The following TRAM2 variants were observed in gnomAD, a reference collection of about 807,000 sequenced individuals.
The protein encoded by TRAM2 is translocating chain-associated membrane protein 2.
Under a neutral mutation model 51.0 loss-of-function variants are expected in TRAM2, and 12 were observed. The observed-to-expected ratio is 0.24, with a 90% CI of 0.15 to 0.38. The LOEUF (loss-of-function observed/expected upper bound fraction) is 0.38. Ranked by LOEUF, TRAM2 falls within the 10% of genes least tolerant of loss-of-function variation. The probability of loss-of-function intolerance (pLI) is 1.00; values close to 1 mark genes in which losing one functional copy is unlikely to be tolerated. For missense variants in TRAM2, 361 were observed against 462.0 expected (o/e 0.78, Z 2.00); for synonymous variants, 175 against 179.4 (o/e 0.98, Z 0.20).
chr6:52,526,148 GACAGACACACACACACACACACAC>G (rs1373619215), intron 2 of TRAM2, among the ~76,000 whole-genome samples: 7,750 of 146,426 alleles, frequency 0.053, 262 homozygotes, highest in South Asian at 0.07. Context: ...AATACACACA[GACAGACACACACACACACACACAC>G]ACACACACAC....
In TRAM2 at chr6:52,557,204, A is replaced by T. The variant is rs1767426339; in HGVS notation, c.120+19592T>A. Among the ~76,000 whole-genome samples the T allele has an allele frequency of 1.3e-5, 2 of 152,158 alleles. 1 individual carries two copies. The highest frequency in any genetic ancestry group is 2.9e-5 in the Non-Finnish European group (2 of 67,976). ...CAAAACTCTGTCTCAAAAAAAAAAG[A>T]TATGTCTGGTGAGGAACGGATGCAC... On this transcript the variant is annotated intron_variant, in intron 1 of 10. Transcript: ENST00000182527.
At chr6:52,504,052 C>A (rs1766293211) in intron 10 of TRAM2, among the ~76,000 whole-genome samples, 1 of 152,152 alleles carries the variant, frequency 6.6e-6, no homozygotes, top group Non-Finnish European at 1.5e-5. Flanking sequence ...GGCCTGAGGA[C>A]CTGCTGAAGG....
intron 1 of TRAM2, among the ~76,000 whole-genome samples, chr6:52,576,470 C>CA (rs1437577120): frequency 6.6e-6 from 1 of 152,216 alleles, no homozygotes; most frequent in Non-Finnish European, 1.5e-5. Flanking sequence ...AAGGGAACCC[C>CA]ACGCGTCAAG....
intron 2 of TRAM2, chr6:52,524,507 C>CT (rs1005242997): frequency 6.6e-6 from 1 of 151,994 alleles, no homozygotes; most frequent in African/African-American, 2.4e-5. Flanking sequence ...CTCTCTCCCT[C>CT]TGTAGTCATG....
At chr6:52,550,618 C>T (rs1047865458) in intron 1 of TRAM2, among the ~76,000 whole-genome samples, 1 of 152,110 alleles carries the variant, frequency 6.6e-6, no homozygotes, top group Admixed American at 6.5e-5. Flanking sequence ...GTGGCAAGAT[C>T]TTAGTTCACT....
chr6:52,501,341 T>G lies in TRAM2; in HGVS notation c.*1856A>C, dbSNP rs775700260. 2 of 152,184 alleles carry G rather than the reference T, an allele frequency of 1.3e-5. No homozygotes were observed. The highest frequency in any genetic ancestry group is 2.9e-5 in the Non-Finnish European group (2 of 68,026). 9.4% of individuals were successfully genotyped at this position (152,184 alleles called of 1,614,324 possible). On this transcript the variant is annotated 3_prime_UTR_variant, in exon 11 of 11. Transcript: ENST00000182527. Reference sequence around the variant, plus strand: ...ACAAATCCCTCAGTTACTGGGAAGCTAAAATTTATCTATGATGTAAGTGAC... The same window carrying G: ...ACAAATCCCTCAGTTACTGGGAAGCGAAAATTTATCTATGATGTAAGTGAC...
rs983277256 is a variant in TRAM2, at chr6:52,508,193, CAATG to C, written c.555+37_555+40del. The stretch of plus-strand genomic sequence containing the variant: ...CTGGGAATAGCAGGAGGGGAGTGGT[CAATG>C]AATGGCCTCCAAGAAGGGAGAGAAG... On this transcript the variant is annotated intron_variant, in intron 6 of 10. Coordinates refer to ENST00000182527, the MANE Select transcript of TRAM2 (RefSeq NM_012288.4). The C allele has an allele frequency of 1.9e-6, 3 of 1,590,604 alleles. No individual in the cohort carries two copies. In the African/African-American group the frequency reaches 4.0e-5, roughly 21 times the overall value.
chr6:52,497,754 C>T lies in TRAM2; in HGVS notation c.*5443G>A, dbSNP rs1479780553. 1 of 152,496 alleles carries T rather than the reference C, an allele frequency of 6.6e-6. No homozygotes were observed. Among genetic ancestry groups the T allele is most frequent in the Non-Finnish European group, 1.5e-5 (1 of 68,018 alleles). 9.4% of individuals were successfully genotyped at this position (152,496 alleles called of 1,614,324 possible). On this transcript the variant is annotated 3_prime_UTR_variant, in exon 11 of 11. Coordinates refer to ENST00000182527, the MANE Select transcript of TRAM2 (RefSeq NM_012288.4). ...TTCATCCTTCAGATGTTTTTTTAAA[C>T]AGAGGAACCGAAAAATGAGGTTTAC... is the stretch of plus-strand genomic sequence containing the variant.
chr6:52,498,929 G>C lies in TRAM2; in HGVS notation c.*4268C>G, dbSNP rs915789054. On this transcript the variant is annotated 3_prime_UTR_variant, in exon 11 of 11. Transcript: ENST00000182527. ...GCACGCAATCTGCTTGGGACAAAAA[G>C]TCTACAGGGGTTGCCAAGCACGAAA... 6.6e-6 allele frequency: 1 copy of C among 152,460 alleles called. No individual in the cohort carries two copies. Among genetic ancestry groups the C allele is most frequent in the Non-Finnish European group, 1.5e-5 (1 of 68,052 alleles). 9.4% of individuals were successfully genotyped at this position (152,460 alleles called of 1,614,324 possible). A position where few individuals can be genotyped will look rare whatever the true frequency, so the allele number is the denominator to read the frequency against.
At chr6:52,535,969 C>A in intron 1 of TRAM2, 123 bp from the exon 2 acceptor site, 3 of 727,696 alleles carry the variant, frequency 4.1e-6, no homozygotes, top group South Asian at 1.9e-5. Context: ...ACGGTTCTGC[C>A]TAATGCAGAG....
chr6:52,577,057 C>G lies in TRAM2; in HGVS notation c.-142G>C, dbSNP rs961798783. ...CGCTCGCCCGCCCAGCGCGGAACAA[C>G]TTCGGGGCCCGCCCCCTTCCTCCGC... On this transcript the variant is annotated 5_prime_UTR_variant, in exon 1 of 11. Transcript: ENST00000182527. The G allele has an allele frequency of 1.3e-3, 1,265 of 963,316 alleles. 4 individuals carry two copies. The highest frequency in any genetic ancestry group is 1.6e-3 in the Non-Finnish European group (1,213 of 774,802). 59.7% of individuals were successfully genotyped at this position (963,316 alleles called of 1,614,324 possible). A position where few individuals can be genotyped will look rare whatever the true frequency, so the allele number is the denominator to read the frequency against.
rs982710692 is a variant in TRAM2, at chr6:52,498,547, G to A, written c.*4650C>T. On this transcript the variant is annotated 3_prime_UTR_variant, in exon 11 of 11. Coordinates refer to ENST00000182527, the MANE Select transcript of TRAM2 (RefSeq NM_012288.4). ...ATAACGGAGAAGGAGTTTGCTATGT[G>A]GGGCCAGAGGAGAGTTTTCGAAGTG... The A allele has an allele frequency of 2.6e-5, 4 of 152,180 alleles. No homozygotes were observed. Among genetic ancestry groups the A allele is most frequent in the African/African-American group, 9.7e-5 (4 of 41,416 alleles). 9.4% of individuals were successfully genotyped at this position (152,180 alleles called of 1,614,324 possible). A position where few individuals can be genotyped will look rare whatever the true frequency, so the allele number is the denominator to read the frequency against.
chr6:52,539,503 CTTTTT>C (rs1767039637), intron 1 of TRAM2, among the ~76,000 whole-genome samples: 1 of 151,368 alleles, frequency 6.6e-6, no homozygotes, highest in Non-Finnish European at 1.5e-5. Flanking sequence ...GATTTTTTTT[CTTTTT>C]TAACAACTGT....
chr6:52,556,095 T>C (rs1324007146), intron 1 of TRAM2, among the ~76,000 whole-genome samples: 1 of 152,034 alleles, frequency 6.6e-6, no homozygotes, highest in Non-Finnish European at 1.5e-5. Context: ...CACTAAGCAG[T>C]GCTGAAGCCA....
chr6:52,510,519 T>C (rs753119504), intron 4 of TRAM2, among the ~76,000 whole-genome samples: 8 of 152,080 alleles, frequency 5.3e-5, no homozygotes, highest in Non-Finnish European at 1.2e-4. Flanking sequence ...AGATGGTGCC[T>C]TGGGAGGTGG....
intron 2 of TRAM2, among the ~76,000 whole-genome samples, chr6:52,526,387 C>A (rs1158945969): frequency 2.6e-5 from 4 of 152,014 alleles, no homozygotes; most frequent in African/African-American, 9.7e-5. Context: ...TTGATAAGAT[C>A]CCAGGTTTCT....
At position 52,527,523 on chromosome 6, in the gene TRAM2, G is replaced by A. The variant is rs1296166336; in HGVS notation, c.184+8260C>T. 2.0e-5 allele frequency among the ~76,000 whole-genome samples: 3 copies of A among 151,900 alleles called. No homozygotes were observed. In the East Asian group the frequency reaches 5.8e-4, roughly 29 times the overall value. On this transcript the variant is annotated intron_variant, in intron 2 of 10. Coordinates refer to ENST00000182527, the MANE Select transcript of TRAM2 (RefSeq NM_012288.4). ...TCAGAAAGGGTGCGGGGTGGGGTGG[G>A]GTGGGAGGAAGAGCAAGATGATTCA...
chr6:52,534,717 G>C (rs978637429), intron 2 of TRAM2, among the ~76,000 whole-genome samples: 2 of 152,200 alleles, frequency 1.3e-5, no homozygotes, highest in Non-Finnish European at 2.9e-5. Flanking sequence ...GGTGGAAAAG[G>C]AAGCTCTTAG....
intron 2 of TRAM2, among the ~76,000 whole-genome samples, chr6:52,519,617 AC>A (rs1165612491): frequency 1.3e-5 from 2 of 152,244 alleles, no homozygotes; most frequent in Admixed American, 1.3e-4. Flanking sequence ...TACAATTACC[AC>A]ATATTTCAGT....
Sources: gnomAD v4.1 joint callset for allele counts (sites outside exome capture counted in the v4.1 genomes callset) on GRCh38, gnomAD v4.1.1 for gene constraint, MANE v1.5 for transcripts, NCBI Gene and HGNC (gene_info 2026-07-23, HGNC 2026-07-21) for gene names.